The following NCBP1 variants were observed in gnomAD, a reference collection of about 807,000 sequenced individuals.
NCBP1 encodes nuclear cap-binding protein subunit 1.
Under a neutral mutation model 111.7 loss-of-function variants are expected in NCBP1, and 16 were observed. That is an observed-to-expected ratio of 0.14 (90% CI 0.10 to 0.22). The LOEUF (loss-of-function observed/expected upper bound fraction) is 0.22. NCBP1 is among the 10% of genes least tolerant of loss of function. The pLI is 1.00. For missense variants in NCBP1, 607 were observed against 957.5 expected (o/e 0.63, Z 4.83); for synonymous variants, 304 against 314.3 (o/e 0.97, Z 0.35).
At chr9:97,638,901 G>A (rs893867450) in intron 1 of NCBP1, among the ~76,000 whole-genome samples, 15 of 152,174 alleles carry the variant, frequency 9.9e-5, no homozygotes, top group African/African-American at 3.6e-4. Context: ...TGTAGAAGAA[G>A]GCTATTTGAA....
At chr9:97,637,295 T>C (rs1290528218) in intron 1 of NCBP1, among the ~76,000 whole-genome samples, 9 of 152,238 alleles carry the variant, frequency 5.9e-5, no homozygotes, top group Non-Finnish European at 1.2e-4. Flanking sequence ...TGGATACTAG[T>C]CCAGTGCTAA....
Position 97,668,922 on chromosome 9 carries a change from A to C in NCBP1, c.2093A>C (p.Lys698Thr), listed in dbSNP as rs373186546. The C allele has an allele frequency of 1.9e-6, 3 of 1,613,732 alleles. No individual in the cohort carries two copies. The African/African-American group carries it at 4.0e-5, about 22-fold the overall frequency. ...GAACAAATAGAACGACTTCAGGAAA[A>C]AGTGGAATCTGCTCAGAGTGAACAA... ...LEEQIERLQE[K>T]VESAQSEQKN... Residue 698 changes from lysine to threonine, a missense_variant, in exon 21 of 23, where the codon AAA becomes ACA. Lys to Thr is a moderately conservative substitution (Grantham distance 78). Transcript: ENST00000375147.
At chr9:97,655,395 T>A (rs968552663) in intron 12 of NCBP1, among the ~76,000 whole-genome samples, 31 of 147,714 alleles carry the variant, frequency 2.1e-4, no homozygotes, top group Non-Finnish European at 2.8e-4. Flanking sequence ...TTTCATAAAA[T>A]TTTTTTTTTT....
At chr9:97,666,545 CA>C (rs1366568578) in intron 19 of NCBP1, among the ~76,000 whole-genome samples, 1 of 152,198 alleles carries the variant, frequency 6.6e-6, no homozygotes, top group Non-Finnish European at 1.5e-5. Context: ...GTGCTGCCCT[CA>C]GGGGGCTCGC....
chr9:97,640,921 G>C (rs769456790), intron 2 of NCBP1, 39 bp downstream of exon 2: 2 of 1,445,728 alleles, frequency 1.4e-6, no homozygotes, highest in South Asian at 2.5e-5. Flanking sequence ...ATGGGTTTAA[G>C]AATGTGGTTA....
intron 1 of NCBP1, among the ~76,000 whole-genome samples, chr9:97,636,850 G>A (rs2773350): frequency 0.18 from 27,661 of 151,510 alleles, 2,660 homozygotes; most frequent in African/African-American, 0.22. Flanking sequence ...GGTAAAGAGG[G>A]GAGAGATTTC....
At chr9:97,662,717 T>C (rs555219167) in intron 17 of NCBP1, among the ~76,000 whole-genome samples, 6 of 152,348 alleles carry the variant, frequency 3.9e-5, no homozygotes, top group Middle Eastern at 3.4e-3. Context: ...ACCTATTCTT[T>C]TAAACTGTAG....
chr9:97,635,415 T>C (rs974042066), intron 1 of NCBP1, among the ~76,000 whole-genome samples: 4 of 66,498 alleles, frequency 6.0e-5, no homozygotes, highest in Admixed American at 1.5e-4. Context: ...ATTCCCTCCC[T>C]TTTTTTTTTT....
intron 15 of NCBP1, among the ~76,000 whole-genome samples, chr9:97,659,524 T>C (rs980096461): frequency 2.5e-4 from 38 of 152,326 alleles, no homozygotes; most frequent in African/African-American, 9.1e-4. Flanking sequence ...CTCTGAAGAA[T>C]AGATATGATT....
At chr9:97,640,625 G>A (rs533611947) in intron 1 of NCBP1, among the ~76,000 whole-genome samples, 169 bp from the exon 2 acceptor site, 2 of 152,212 alleles carry the variant, frequency 1.3e-5, no homozygotes, top group South Asian at 4.1e-4. Flanking sequence ...GGGAATGGGA[G>A]GCTGTTGGTT....
intron 15 of NCBP1, among the ~76,000 whole-genome samples, chr9:97,659,777 G>A (rs1356976115): frequency 6.6e-6 from 1 of 152,196 alleles, no homozygotes; most frequent in African/African-American, 2.4e-5. Context: ...TCAGGCTTTT[G>A]TTGAAGATTA....
At chr9:97,650,643 C>G (rs1290472045) in intron 9 of NCBP1, 43 bp downstream of exon 9, 2 of 1,540,878 alleles carry the variant, frequency 1.3e-6, no homozygotes, top group Non-Finnish European at 1.8e-6. Flanking sequence ...AGAGAAGCAG[C>G]AATTTTGATA....
At chr9:97,635,865 C>T (rs1237936810) in intron 1 of NCBP1, 1 of 152,096 alleles carries the variant, frequency 6.6e-6, no homozygotes, top group Non-Finnish European at 1.5e-5. Flanking sequence ...TAGAGGTAAT[C>T]CCTAAAGAGA....
chr9:97,648,665 A>G (rs1412064631), intron 8 of NCBP1, among the ~76,000 whole-genome samples: 4 of 152,230 alleles, frequency 2.6e-5, no homozygotes, highest in Non-Finnish European at 5.9e-5. Flanking sequence ...GCATAGAACA[A>G]GAACAGTGTC....
intron 3 of NCBP1, among the ~76,000 whole-genome samples, chr9:97,642,009 A>G (rs1236912960): frequency 6.6e-6 from 1 of 152,070 alleles, no homozygotes; most frequent in African/African-American, 2.4e-5. Context: ...AAATTTGGGA[A>G]TTGGTAACTC....
intron 1 of NCBP1, among the ~76,000 whole-genome samples, chr9:97,636,575 AAT>A (rs1827038398): frequency 6.9e-6 from 1 of 144,434 alleles, no homozygotes; most frequent in Non-Finnish European, 1.5e-5. Context: ...TATATACTCT[AAT>A]ATATATTTTA....
At chr9:97,656,932 C>G (rs1433886042) in intron 14 of NCBP1, among the ~76,000 whole-genome samples, 1 of 152,178 alleles carries the variant, frequency 6.6e-6, no homozygotes, top group African/African-American at 2.4e-5. Flanking sequence ...GTCCCAACAC[C>G]TGTATTTCCT....
At chr9:97,657,927 T>TATA (rs1491489861) in intron 14 of NCBP1, among the ~76,000 whole-genome samples, 37 of 93,146 alleles carry the variant, frequency 4.0e-4, no homozygotes, top group African/African-American at 1.2e-3. Flanking sequence ...TATATATATA[T>TATA]TTTTTTTTTT....
At chr9:97,652,054 A>G (rs1192822132) in intron 10 of NCBP1, among the ~76,000 whole-genome samples, 1 of 151,948 alleles carries the variant, frequency 6.6e-6, no homozygotes, top group Non-Finnish European at 1.5e-5. Context: ...CCCAGGCTGG[A>G]GGGCAGTAGC....
Sources: gnomAD v4.1 joint callset for allele counts (sites outside exome capture counted in the v4.1 genomes callset) on GRCh38, gnomAD v4.1.1 for gene constraint, MANE v1.5 for transcripts, NCBI Gene and HGNC (gene_info 2026-07-23, HGNC 2026-07-21) for gene names.